Variants in GRB10 observed in about 807,000 individuals in gnomAD.
GRB10 encodes the protein growth factor receptor-bound protein 10.
A neutral mutation model predicts 80.9 loss-of-function variants in GRB10; 20 were observed. That is an observed-to-expected ratio of 0.25 (90% CI 0.17 to 0.36). GRB10 has a LOEUF of 0.36. GRB10 is among the 10% of genes least tolerant of loss of function. GRB10 has a pLI of 1.00. For missense variants in GRB10, 548 were observed against 747.7 expected, an observed-to-expected ratio of 0.73 and a Z score of 3.12; for synonymous variants, 291 against 291.5, an observed-to-expected ratio of 1.00 and a Z score of 0.02.
chr7:50,674,101 C>A (rs1252853611), intron 6 of GRB10, among the ~76,000 whole-genome samples: 1 of 152,208 alleles, frequency 6.6e-6, no homozygotes, highest in Non-Finnish European at 1.5e-5. Context: ...GGACTTGGGG[C>A]ATGCAATCAG....
intron 4 of GRB10, among the ~76,000 whole-genome samples, chr7:50,718,380 C>T (rs748530113): frequency 6.6e-6 from 1 of 152,148 alleles, no homozygotes; most frequent in East Asian, 1.9e-4. Context: ...CCTCCAACTC[C>T]TCCTTATCCA....
intron 11 of GRB10, 115 bp downstream of exon 11, chr7:50,616,095 T>G: frequency 8.3e-7 from 1 of 1,205,454 alleles, no homozygotes; most frequent in Non-Finnish European, 1.2e-6. Flanking sequence ...GAAGTTGTCC[T>G]GAGCTTGGAG....
At chr7:50,624,777 T>G (rs193193974) in intron 8 of GRB10, among the ~76,000 whole-genome samples, 206 of 152,350 alleles carry the variant, frequency 1.4e-3, no homozygotes, top group Non-Finnish European at 3.5e-4. Context: ...AGGAATTTCA[T>G]GTATCTTCAA....
chr7:50,774,806 T>C (rs2077402775), intron 2 of GRB10, among the ~76,000 whole-genome samples: 1 of 152,026 alleles, frequency 6.6e-6, no homozygotes, highest in South Asian at 2.1e-4. Flanking sequence ...TAAAATTTCA[T>C]CTAAATCAGA....
chr7:50,657,392 T>C (rs2058750145), intron 7 of GRB10, among the ~76,000 whole-genome samples: 1 of 152,162 alleles, frequency 6.6e-6, no homozygotes, highest in South Asian at 2.1e-4. Flanking sequence ...CCGCGGCTCC[T>C]GGCATGGCAA....
At chr7:50,611,112 C>T (rs903811725) in intron 13 of GRB10, among the ~76,000 whole-genome samples, 6 of 152,298 alleles carry the variant, frequency 3.9e-5, no homozygotes, top group Non-Finnish European at 7.3e-5. Flanking sequence ...CTGCCTCTCC[C>T]ATCTCCTCTC....
At chr7:50,685,437 T>C (rs2062003776) in intron 5 of GRB10, among the ~76,000 whole-genome samples, 1 of 152,042 alleles carries the variant, frequency 6.6e-6, no homozygotes, top group African/African-American at 2.4e-5. Flanking sequence ...GGTGGACATA[T>C]CCCGTAGGAA....
intron 7 of GRB10, among the ~76,000 whole-genome samples, chr7:50,628,111 A>G (rs4513918): frequency 0.029 from 4,420 of 152,326 alleles, 226 homozygotes; most frequent in African/African-American, 0.099. Context: ...AACTGGTCAG[A>G]AAAACCCCCG....
In GRB10 at chr7:50,703,873, G is replaced by A. The variant is rs1157649405; in HGVS notation, c.87C>T (p.Asp29=). The A allele has an allele frequency of 1.9e-6, 3 of 1,613,484 alleles. No homozygotes were observed. The highest frequency in any genetic ancestry group is 2.5e-6 in the Non-Finnish European group (3 of 1,179,570). Residue 29 remains aspartate, a synonymous_variant, in exon 5 of 19, where the codon GAC becomes GAT. Transcript: ENST00000401949. The stretch of plus-strand genomic sequence containing the variant: ...GTGCGGGGAGTCCTGGTCCTGCCGG[G>A]TCTTGTTGACTGCGAGGTGTCTGCT... The part of the protein sequence containing the change: ...KVEQTPRSQQ[D]PAGPGLPAQS...
At chr7:50,754,901 T>C (rs538192965) in intron 3 of GRB10, among the ~76,000 whole-genome samples, 1 of 152,312 alleles carries the variant, frequency 6.6e-6, no homozygotes, top group Admixed American at 6.5e-5. Context: ...AGGTGGGCCC[T>C]AATCCAATAC....
chr7:50,618,167 T>A, intron 9 of GRB10, 28 bp from the exon 10 acceptor site: 3 of 1,564,212 alleles, frequency 1.9e-6, no homozygotes, highest in African/African-American at 1.4e-5. Flanking sequence ...AACAAATACG[T>A]AAAAGGTTAG....
At chr7:50,787,818 C>G (rs964014278), upstream of GRB10, among the ~76,000 whole-genome samples, 4 of 152,200 alleles carry the variant, frequency 2.6e-5, no homozygotes, top group African/African-American at 9.7e-5. Context: ...AGTGCGGTAC[C>G]CTAGAACAGA....
chr7:50,790,441 G>A (rs1480215608), intron 1 of GRB10, among the ~76,000 whole-genome samples: 1 of 152,234 alleles, frequency 6.6e-6, no homozygotes, highest in Admixed American at 6.5e-5. Context: ...AAACTTTGAA[G>A]GACTGATTAC....
chr7:50,688,782 G>A (rs959262295), intron 5 of GRB10, among the ~76,000 whole-genome samples: 2 of 152,122 alleles, frequency 1.3e-5, no homozygotes, highest in Non-Finnish European at 2.9e-5. Flanking sequence ...GTGGGGGTCG[G>A]GTGGGTGAGG....
chr7:50,696,971 T>C (rs2063507408), intron 5 of GRB10, among the ~76,000 whole-genome samples: 1 of 152,214 alleles, frequency 6.6e-6, no homozygotes, highest in Non-Finnish European at 1.5e-5. Flanking sequence ...AATGGAATAT[T>C]ATTTGGCCTT....
Position 50,618,106 on chromosome 7 carries a change from G to T in GRB10, c.811C>A (p.Gln271Lys), listed in dbSNP as rs769404891. 1.2e-6 allele frequency: 2 copies of T among 1,613,962 alleles called. No homozygotes were observed. ...FFPEQMVTWC[Q>K]QSNGSQTQLL... ...TGGGTTTGACTGCCATTTGACTGCT[G>T]GCACCAAGTAACCATCTGTTCTGGG... is the stretch of plus-strand genomic sequence containing the variant. The change falls in exon 10 of 19, where the codon CAG becomes AAG. Residue 271 changes from glutamine to lysine, a missense_variant. Gln to Lys is a moderately conservative substitution (Grantham distance 53, BLOSUM62 1). Transcript: ENST00000401949.
At chr7:50,691,839 T>C (rs1389885516) in intron 5 of GRB10, among the ~76,000 whole-genome samples, 1 of 152,156 alleles carries the variant, frequency 6.6e-6, no homozygotes, top group East Asian at 1.9e-4. Context: ...ATCATCAACT[T>C]TGGCATCAGT....
Position 50,666,860 on chromosome 7 carries a change from G to A in GRB10, c.504+2862C>T, listed in dbSNP as rs993368911. Among the ~76,000 whole-genome samples the A allele has an allele frequency of 5.3e-5, 8 of 152,072 alleles. No individual in the cohort carries two copies. The East Asian group carries it at 7.7e-4, about 15-fold the overall frequency. On this transcript the variant is annotated intron_variant, in intron 7 of 18. Transcript: ENST00000401949. ...TCGAGACCATCCTGGCTAACACGGT[G>A]AAACCCCGTCTCTACTAAAAATACA... is the stretch of plus-strand genomic sequence containing the variant.
At chr7:50,761,665 T>A (rs1188936532) in intron 2 of GRB10, 3 of 152,240 alleles carry the variant, frequency 2.0e-5, no homozygotes, top group African/African-American at 7.2e-5. Context: ...GTGTAAATGT[T>A]AAATTGAAAA....
Sources: gnomAD v4.1 joint callset for allele counts (sites outside exome capture counted in the v4.1 genomes callset) on GRCh38, gnomAD v4.1.1 for gene constraint, MANE v1.5 for transcripts, NCBI Gene and HGNC (gene_info 2026-07-23, HGNC 2026-07-21) for gene names.